The following ADAMTS19 variants were observed in gnomAD, a reference collection of about 807,000 sequenced individuals.
The protein encoded by ADAMTS19 is ADAM metallopeptidase with thrombospondin type 1 motif 19.
ADAMTS19 carries 93 observed loss-of-function variants against 153.3 expected under a neutral mutation model. That is an observed-to-expected ratio of 0.61 (90% CI 0.51 to 0.72). The LOEUF is 0.72. ADAMTS19 is among the 30% of genes least tolerant of loss of function. ADAMTS19 has a pLI of 0.00. For synonymous variants in ADAMTS19, 600 were observed against 556.6 expected (o/e 1.08, Z -1.10); for missense variants, 1,482 against 1,552.1 (o/e 0.95, Z 0.76).
intron 9 of ADAMTS19, among the ~76,000 whole-genome samples, chr5:129,621,776 A>G (rs1289150467): frequency 6.6e-6 from 1 of 152,188 alleles, no homozygotes; most frequent in Non-Finnish European, 1.5e-5. Context: ...GCACAAATAT[A>G]TCTACACTGT....
At chr5:129,562,186 A>G (rs1356722428) in intron 7 of ADAMTS19, among the ~76,000 whole-genome samples, 1 of 152,232 alleles carries the variant, frequency 6.6e-6, no homozygotes, top group Non-Finnish European at 1.5e-5. Context: ...ACAATCTCAC[A>G]GTACTTTTAA....
intron 7 of ADAMTS19, among the ~76,000 whole-genome samples, chr5:129,560,674 T>C (rs1466411257): frequency 6.6e-6 from 1 of 152,226 alleles, no homozygotes; most frequent in Non-Finnish European, 1.5e-5. Flanking sequence ...CTGCTGGAAG[T>C]AGAATTTCAA....
chr5:129,493,292 T>C lies in ADAMTS19; in HGVS notation c.748-15785T>C, dbSNP rs189023883. On this transcript the variant is annotated intron_variant, in intron 2 of 22. Coordinates refer to ENST00000274487, the MANE Select transcript of ADAMTS19 (RefSeq NM_133638.6). ...GAAATTGTGCCTGATTGTTAGAATT[T>C]ACATTCTTTTAATTGCTGGCCAAGA... Among the ~76,000 whole-genome samples, 495 of 152,130 alleles carry C rather than the reference T, an allele frequency of 3.3e-3. 4 individuals are homozygous for C. The highest frequency in any genetic ancestry group is 0.024 in the Admixed American group (370 of 15,278).
At chr5:129,569,867 C>A (rs1295522613) in intron 7 of ADAMTS19, among the ~76,000 whole-genome samples, 1 of 151,886 alleles carries the variant, frequency 6.6e-6, no homozygotes, top group Non-Finnish European at 1.5e-5. Context: ...TAAAAAAGGA[C>A]AGATCTCACA....
At chr5:129,599,628 A>G (rs1490070072) in intron 8 of ADAMTS19, among the ~76,000 whole-genome samples, 1 of 152,206 alleles carries the variant, frequency 6.6e-6, no homozygotes, top group African/African-American at 2.4e-5. Flanking sequence ...GAGTTAATTT[A>G]TTAACATCTA....
chr5:129,650,605 T>C (rs575358504), intron 13 of ADAMTS19, among the ~76,000 whole-genome samples: 64 of 152,298 alleles, frequency 4.2e-4, no homozygotes, highest in African/African-American at 1.5e-3. Context: ...AATTCCTCCT[T>C]TCCAAGGCCA....
In ADAMTS19 at chr5:129,535,766, C is replaced by A. The variant is rs1269160019; in HGVS notation, c.1328+7089C>A. ...CCTCAGAAATAATGCCATATATCTA[C>A]AACTATATGATCTTTGACAAACCTG... On this transcript the variant is annotated intron_variant, in intron 6 of 22. Coordinates refer to ENST00000274487, the MANE Select transcript of ADAMTS19 (RefSeq NM_133638.6). Among the ~76,000 whole-genome samples the A allele has an allele frequency of 2.6e-5, 4 of 152,058 alleles. No individual in the cohort carries two copies. The East Asian group carries it at 7.7e-4, about 29-fold the overall frequency.
Position 129,580,320 on chromosome 5 carries a change from T to C in ADAMTS19, c.1373-16239T>C, listed in dbSNP as rs536897571. ...AACTTTGCTGAAGCTGCTTATTACC[T>C]TAAGGAGATTTTGGGCTGAAACGAT... is the stretch of plus-strand genomic sequence containing the variant. On this transcript the variant is annotated intron_variant, in intron 7 of 22. Transcript: ENST00000274487. Among the ~76,000 whole-genome samples, 135 of 152,330 alleles carry C rather than the reference T, an allele frequency of 8.9e-4. 1 individual carries two copies. The highest frequency in any genetic ancestry group is 3.0e-3 in the African/African-American group (125 of 41,580).
chr5:129,481,023 A>G (rs1750389706), intron 2 of ADAMTS19, among the ~76,000 whole-genome samples: 1 of 152,222 alleles, frequency 6.6e-6, no homozygotes, highest in Admixed American at 6.5e-5. Flanking sequence ...ACATGACTGT[A>G]TATGTTTGCC....
In ADAMTS19 at chr5:129,704,317, A is replaced by G. The variant is rs1200552392; in HGVS notation, c.3238A>G (p.Thr1080Ala). 9 of 1,614,110 alleles carry G rather than the reference A, an allele frequency of 5.6e-6. No individual in the cohort carries two copies. Among genetic ancestry groups the G allele is most frequent in the Non-Finnish European group, 7.6e-6 (9 of 1,179,994 alleles). ...CCCAAGAAAGAAGTGTGTCCTCTCT[A>G]CCAGACCCAGGGAGGCTGAAGACTG... is the stretch of plus-strand genomic sequence containing the variant. The part of the protein sequence containing the change: ...TNPRKKCVLS[T>A]RPREAEDCED... The change falls in exon 21 of 23, where the codon ACC (threonine) becomes GCC (alanine). Residue 1080 changes from threonine (T) to alanine (A), a missense_variant. Around this residue, in one of 2 missense-constraint regions of ADAMTS19, gnomAD observed 616 missense variants for 724.4 expected, o/e 0.85. Transcript: ENST00000274487.
intron 22 of ADAMTS19, among the ~76,000 whole-genome samples, chr5:129,735,633 A>C (rs1011819677): frequency 2.0e-5 from 3 of 152,070 alleles, no homozygotes; most frequent in African/African-American, 7.2e-5. Context: ...CTAAATAAAA[A>C]ATACATTCTA....
chr5:129,689,071 T>C (rs1027155308), intron 18 of ADAMTS19, among the ~76,000 whole-genome samples: 1 of 152,186 alleles, frequency 6.6e-6, no homozygotes, highest in African/African-American at 2.4e-5. Flanking sequence ...ATCTAGTGAA[T>C]AGATTACTGA....
At chr5:129,609,422 T>C (rs901910794) in intron 8 of ADAMTS19, among the ~76,000 whole-genome samples, 1 of 152,194 alleles carries the variant, frequency 6.6e-6, no homozygotes, top group Non-Finnish European at 1.5e-5. Context: ...ATTAGTAGTA[T>C]TATAGTTATT....
At position 129,596,629 on chromosome 5, in the gene ADAMTS19, TCTTG is replaced by T; in HGVS notation, c.1447_1450del (p.Ala483LeufsTer75). On this transcript the variant is annotated frameshift_variant, in exon 8 of 23. Coordinates refer to ENST00000274487, the MANE Select transcript of ADAMTS19 (RefSeq NM_133638.6). LOFTEE classifies it high-confidence loss of function. ...TTATTGCTGAAGACAATGGCTTGAA[TCTTG>T]CTTTTACAATTGCTCATGAAATGGG... The T allele has an allele frequency of 6.2e-7, 1 of 1,608,138 alleles. No homozygotes were observed. The highest frequency in any genetic ancestry group is 8.5e-7 in the Non-Finnish European group (1 of 1,177,462).
chr5:129,496,172 G>C (rs1328986508), intron 2 of ADAMTS19, among the ~76,000 whole-genome samples: 1 of 151,938 alleles, frequency 6.6e-6, no homozygotes, highest in East Asian at 1.9e-4. Context: ...ATGGGAATTG[G>C]GGAGAATTAT....
intron 21 of ADAMTS19, among the ~76,000 whole-genome samples, chr5:129,715,074 G>A (rs1347588637): frequency 6.6e-6 from 1 of 152,056 alleles, no homozygotes; most frequent in Non-Finnish European, 1.5e-5. Flanking sequence ...GTCAACAAAG[G>A]TTATCATAGG....
chr5:129,480,590 G>A (rs1175724260), intron 2 of ADAMTS19, among the ~76,000 whole-genome samples: 1 of 152,096 alleles, frequency 6.6e-6, no homozygotes, highest in Non-Finnish European at 1.5e-5. Context: ...TGCTTGAGCA[G>A]TCTGTTCACT....
Position 129,461,391 on chromosome 5 carries a change from G to C in ADAMTS19, c.381G>C (p.Glu127Asp). Residue 127 changes from glutamate (E) to aspartate (D), a missense_variant, in exon 2 of 23, where the codon GAG becomes GAC. Coordinates refer to ENST00000274487, the MANE Select transcript of ADAMTS19 (RefSeq NM_133638.6). This position sits in a 1 kb window ranked among gnomAD's most constrained non-coding sequence, Gnocchi z 4.6. ...GEEDEELESQ[E>D]LPRGSSGAAA... The stretch of plus-strand genomic sequence containing the variant: ...AGGACGAGGAGCTCGAGTCGCAGGA[G>C]CTGCCGCGGGGATCCAGCGGGGCTG... 1 of 1,352,386 alleles carries C rather than the reference G, an allele frequency of 7.4e-7. No homozygotes were observed. The highest frequency in any genetic ancestry group is 9.4e-7 in the Non-Finnish European group (1 of 1,063,724). 83.8% of individuals were successfully genotyped at this position (1,352,386 alleles called of 1,614,324 possible).
intron 10 of ADAMTS19, among the ~76,000 whole-genome samples, chr5:129,632,461 G>C (rs1752345844): frequency 6.6e-6 from 1 of 151,848 alleles, no homozygotes; most frequent in Non-Finnish European, 1.5e-5. Flanking sequence ...GATTAAGAAT[G>C]TAAAAATAGT....
Sources: allele counts gnomAD v4.1 joint callset (sites outside exome capture counted in the v4.1 genomes callset), GRCh38; gene constraint gnomAD v4.1.1; regional missense constraint gnomAD v4.1.1; non-coding constraint Gnocchi (gnomAD v3.1); transcripts MANE v1.5; gene names NCBI Gene and HGNC (gene_info 2026-07-23, HGNC 2026-07-21).